Variants in C8orf58 observed in about 807,000 individuals in gnomAD.
C8orf58 encodes uncharacterized protein C8orf58.
In C8orf58, 31 loss-of-function variants were observed where a neutral mutation model predicts 36.8. The observed-to-expected ratio is 0.84, with a 90% confidence interval of 0.63 to 1.14. The LOEUF (loss-of-function observed/expected upper bound fraction) is 1.14, where lower values mean the gene tolerates loss of function less well. Ranked by LOEUF, C8orf58 falls within the 50% of genes most tolerant of loss-of-function variation. C8orf58 has a pLI of 0.00. For synonymous variants in C8orf58, 230 were observed against 200.2 expected (o/e 1.15, Z -1.26); for missense variants, 538 against 480.8 (o/e 1.12, Z -1.11).
chr8:22,602,569 C>A lies in C8orf58; in HGVS notation c.912C>A (p.Val304=). 1.3e-6 allele frequency: 2 copies of A among 1,594,912 alleles called. No individual in the cohort carries two copies. Among genetic ancestry groups the A allele is most frequent in the Non-Finnish European group, 1.7e-6 (2 of 1,168,084 alleles). ...TCTCCCACTGGGACAAGGTCAAGGT[C>A]CTGCTCAACCGGATCTGCCGGAGAA... The part of the protein sequence containing the change: ...RDISHWDKVK[V]LLNRICRRSH... Residue 304 remains valine (V), a synonymous_variant, in exon 6 of 7, where the codon GTC becomes GTA. Coordinates refer to ENST00000289989, the MANE Select transcript of C8orf58 (RefSeq NM_001013842.3).
At chr8:22,600,038 A>G in intron 1 of C8orf58, 1 of 312,364 alleles carries the variant, frequency 3.2e-6, no homozygotes, top group Non-Finnish European at 5.9e-6. Flanking sequence ...CCTTCTGAGG[A>G]TGTGGGAATC....
rs1377344531 is a variant in C8orf58 at position 22,601,043 on chromosome 8, G to A, written c.202G>A (p.Asp68Asn). The A allele has an allele frequency of 1.2e-6, 2 of 1,612,860 alleles. No homozygotes were observed. Among genetic ancestry groups the A allele is most frequent in the Non-Finnish European group, 1.7e-6 (2 of 1,180,022 alleles). Residue 68 changes from aspartate to asparagine, a missense_variant, in exon 2 of 7, where the codon GAC (aspartate) becomes AAC (asparagine). Coordinates refer to ENST00000289989, the MANE Select transcript of C8orf58 (RefSeq NM_001013842.3). ...ACTCTTTCTCAAACTGGCCTCCCGG[G>A]ACTCAGGAGTGGAGATGGCAGTTGG... ...EALFLKLASRDSGVEMAVGDS... is the reference protein window; with the variant it reads ...EALFLKLASRNSGVEMAVGDS...
At chr8:22,601,547 C>G (rs1366604789) in intron 2 of C8orf58, among the ~76,000 whole-genome samples, 165 bp from the exon 3 acceptor site, 2 of 152,222 alleles carry the variant, frequency 1.3e-5, no homozygotes, top group Non-Finnish European at 2.9e-5. Flanking sequence ...GCTACGGGGG[C>G]CCTTCCTGGC....
intron 3 of C8orf58, 54 bp downstream of exon 3, chr8:22,601,906 TG>T (rs1800872661): frequency 6.4e-7 from 1 of 1,559,026 alleles, no homozygotes; most frequent in African/African-American, 1.4e-5. Flanking sequence ...CTGGGAACCA[TG>T]GCTGCCCTCA....
chr8:22,603,032 T>A, intron 6 of C8orf58, 163 bp from the exon 7 acceptor site: 1 of 619,032 alleles, frequency 1.6e-6, no homozygotes, highest in East Asian at 2.7e-5. Flanking sequence ...GGGGCTTGTA[T>A]TGAATCGTTC....
intron 1 of C8orf58, 99 bp from the exon 2 acceptor site, chr8:22,600,783 G>A: frequency 9.5e-7 from 1 of 1,050,796 alleles, no homozygotes; most frequent in Non-Finnish European, 1.4e-6. Context: ...CTTCCTCACT[G>A]CTCCGGGACA....
Position 22,602,581 on chromosome 8 carries a change from G to A in C8orf58, c.924G>A (p.Arg308=). Residue 308 remains arginine, a synonymous_variant, in exon 6 of 7, where the codon CGG becomes CGA. Transcript: ENST00000289989. ...ACAAGGTCAAGGTCCTGCTCAACCG[G>A]ATCTGCCGGAGAAGCCACCACCACC... ...HWDKVKVLLN[R]ICRRSHHHPE... 6.3e-7 allele frequency: 1 copy of A among 1,582,242 alleles called. No individual in the cohort carries two copies. Among genetic ancestry groups the A allele is most frequent in the Non-Finnish European group, 8.6e-7 (1 of 1,160,894 alleles).
chr8:22,602,045 G>T lies in C8orf58; in HGVS notation c.731G>T (p.Gly244Val), dbSNP rs777214555. The change falls in exon 4 of 7, where the codon GGG becomes GTG. Residue 244 changes from glycine to valine, a missense_variant. Gly to Val is a moderately radical substitution (Grantham distance 109). Coordinates refer to ENST00000289989, the MANE Select transcript of C8orf58 (RefSeq NM_001013842.3). ...CACACCCCAGGCAATCGGGGGCAGG[G>T]GCCATGGGAGCTGCTAAGCCAGACA... ...PLHTPGNRGQ[G>V]PWELLSQTEH... 6.3e-7 allele frequency: 1 copy of T among 1,581,126 alleles called. No individual in the cohort carries two copies. The highest frequency in any genetic ancestry group is 2.3e-5 in the East Asian group (1 of 43,288).
At chr8:22,603,103 C>T (rs1180855333) in intron 6 of C8orf58, 92 bp from the exon 7 acceptor site, 6 of 959,588 alleles carry the variant, frequency 6.3e-6, no homozygotes. Context: ...ACCCAGCTAC[C>T]CACCAGCAGA....
In C8orf58 at chr8:22,602,274, G is replaced by C. The variant is rs1344316884; in HGVS notation, c.841G>C (p.Glu281Gln). The change falls in exon 5 of 7, where the codon GAG (glutamate) becomes CAG (glutamine). Residue 281 changes from glutamate (E) to glutamine (Q), a missense_variant. Physicochemically the swap from Glu to Gln is conservative, Grantham distance 29. Transcript: ENST00000289989. ...TCCCAGGCTGCCAGAAACCCCAGTGGAGCCAACGTACCACTTGCCATCCTC... is the reference window on the plus strand; with the variant it reads ...TCCCAGGCTGCCAGAAACCCCAGTGCAGCCAACGTACCACTTGCCATCCTC... ...NPPRLPETPV[E>Q]PTYHLPSSQG... The C allele has an allele frequency of 6.3e-7, 1 of 1,576,588 alleles. No individual in the cohort carries two copies. Among genetic ancestry groups the C allele is most frequent in the Non-Finnish European group, 8.6e-7 (1 of 1,159,272 alleles).
In C8orf58 at chr8:22,602,276, G is replaced by A; in HGVS notation, c.843G>A (p.Glu281=). ...NPPRLPETPV[E]PTYHLPSSQG... is the part of the protein sequence containing the mutation. ...CCAGGCTGCCAGAAACCCCAGTGGA[G>A]CCAACGTACCACTTGCCATCCTCCC... Residue 281 remains glutamate (E), a synonymous_variant, in exon 5 of 7, where the codon GAG becomes GAA. Coordinates refer to ENST00000289989, the MANE Select transcript of C8orf58 (RefSeq NM_001013842.3). 3 of 1,433,282 alleles carry A rather than the reference G, an allele frequency of 2.1e-6. No individual in the cohort carries two copies. The highest frequency in any genetic ancestry group is 2.3e-5 in the South Asian group (2 of 87,432). The allele number at this position is 1,433,282 out of a possible 1,614,324, so 88.8% of individuals were successfully genotyped here. A position where few individuals can be genotyped will look rare whatever the true frequency, so the allele number is the denominator to read the frequency against.
intron 4 of C8orf58, 35 bp from the exon 5 acceptor site, chr8:22,602,165 T>C: frequency 2.6e-6 from 4 of 1,566,806 alleles, no homozygotes; most frequent in Non-Finnish European, 3.5e-6. Flanking sequence ...ATGGGGTGTC[T>C]TCTGGCCCTG....
At chr8:22,599,791 T>G (rs1800797534) in intron 1 of C8orf58, 31 bp downstream of exon 1, 1 of 1,136,992 alleles carries the variant, frequency 8.8e-7, no homozygotes, top group South Asian at 4.4e-5. Flanking sequence ...CTGGCCGGGC[T>G]CCCCCCTGCC....
At chr8:22,602,144 G>A in intron 4 of C8orf58, 56 bp from the exon 5 acceptor site, 1 of 1,555,126 alleles carries the variant, frequency 6.4e-7, no homozygotes, top group Non-Finnish European at 8.7e-7. Context: ...GGTCCTCTGA[G>A]CCGAAGCTTG....
rs532809112 is a variant in C8orf58, at chr8:22,602,820, T to C, written c.986+177T>C. 2.5e-5 allele frequency: 15 copies of C among 589,612 alleles called. 1 individual carries two copies. Among genetic ancestry groups the C allele is most frequent in the South Asian group, 2.2e-4 (10 of 45,304 alleles). The allele number at this position is 589,612 out of a possible 1,614,324, so 36.5% of individuals were successfully genotyped here. A position where few individuals can be genotyped will look rare whatever the true frequency, so the allele number is the denominator to read the frequency against. ...CCATTTACAGATAAGGAGGCAGGGT[T>C]CTGGGTGGGGTTGGGGGTAGTTGCT... On this transcript the variant is annotated intron_variant, in intron 6 of 6. Coordinates refer to ENST00000289989, the MANE Select transcript of C8orf58 (RefSeq NM_001013842.3).
chr8:22,601,883 G>A, intron 3 of C8orf58, 31 bp downstream of exon 3: 2 of 1,577,866 alleles, frequency 1.3e-6, no homozygotes, highest in Non-Finnish European at 1.7e-6. Flanking sequence ...GGAGGGAGAG[G>A]ACAGATGGGA....
chr8:22,601,744 C>T lies in C8orf58; in HGVS notation c.549C>T (p.Cys183=), dbSNP rs1436561352. 1 of 1,611,584 alleles carries T rather than the reference C, an allele frequency of 6.2e-7. No homozygotes were observed. Among genetic ancestry groups the T allele is most frequent in the East Asian group, 2.2e-5 (1 of 44,866 alleles). Residue 183 remains cysteine, a synonymous_variant, in exon 3 of 7, where the codon TGC becomes TGT. Coordinates refer to ENST00000289989, the MANE Select transcript of C8orf58 (RefSeq NM_001013842.3). ...GCCTGGGGCCTGGAGCCTGGGCCTG[C>T]CTCCCCGGGCAGGGTCTTCGCTATC... The part of the protein sequence containing the change: ...VGGLGPGAWA[C]LPGQGLRYLE...
chr8:22,601,421 C>T lies in C8orf58; in HGVS notation c.516+64C>T, dbSNP rs575685767. 2.7e-4 allele frequency: 355 copies of T among 1,318,780 alleles called. 3 individuals are homozygous for T. The South Asian group carries it at 4.6e-3, about 17-fold the overall frequency. 81.7% of individuals were successfully genotyped at this position (1,318,780 alleles called of 1,614,324 possible). ...GGACAGCCTAGCTCCTCTGGTTCTC[C>T]CTGGAGCTCTCTCTGGGTGGGGCAC... On this transcript the variant is annotated intron_variant, in intron 2 of 6. Coordinates refer to ENST00000289989, the MANE Select transcript of C8orf58 (RefSeq NM_001013842.3).
intron 6 of C8orf58, 101 bp from the exon 7 acceptor site, chr8:22,603,094 C>A (rs1800918722): frequency 1.1e-6 from 1 of 882,658 alleles, no homozygotes; most frequent in Non-Finnish European, 1.9e-6. Flanking sequence ...TGCGCCCACA[C>A]CCAGCTACCC....
Sources: allele counts gnomAD v4.1 joint callset (sites outside exome capture counted in the v4.1 genomes callset), GRCh38; gene constraint gnomAD v4.1.1; transcripts MANE v1.5; gene names NCBI Gene and HGNC (gene_info 2026-07-23, HGNC 2026-07-21).